The following PTPRM variants were observed in gnomAD, a reference collection of about 807,000 sequenced individuals.
The protein encoded by PTPRM is receptor-type tyrosine-protein phosphatase mu.
Under a neutral mutation model 186.7 loss-of-function variants are expected in PTPRM, and 47 were observed. The ratio of observed to expected loss-of-function variants is 0.25; its 90% CI spans 0.20 to 0.32. The LOEUF (loss-of-function observed/expected upper bound fraction) is 0.32. Ranked by LOEUF, PTPRM falls within the 10% of genes least tolerant of loss-of-function variation. PTPRM has a pLI of 1.00. For missense variants in PTPRM, 1,494 were observed against 1,865.0 expected (o/e 0.80, Z 3.66); for synonymous variants, 668 against 674.9 (o/e 0.99, Z 0.16).
At chr18:7,853,048 T>C (rs2046942044) in intron 2 of PTPRM, among the ~76,000 whole-genome samples, 1 of 152,224 alleles carries the variant, frequency 6.6e-6, no homozygotes, top group Non-Finnish European at 1.5e-5. Flanking sequence ...TTAAATGTTT[T>C]CTACCTTACA....
At chr18:8,362,389 C>T (rs1002889179) in intron 23 of PTPRM, among the ~76,000 whole-genome samples, 2 of 152,230 alleles carry the variant, frequency 1.3e-5, no homozygotes, top group Non-Finnish European at 2.9e-5. Context: ...CCTGTGTCTT[C>T]CTGCTCCTGT....
intron 14 of PTPRM, among the ~76,000 whole-genome samples, chr18:8,197,416 G>T (rs2093794499): frequency 6.6e-6 from 1 of 152,116 alleles, no homozygotes; most frequent in African/African-American, 2.4e-5. Flanking sequence ...ATAGTTAAAG[G>T]ATAGGAAAAC....
chr18:8,233,160 C>CA (rs2094307338), intron 14 of PTPRM, among the ~76,000 whole-genome samples: 1 of 152,200 alleles, frequency 6.6e-6, no homozygotes, highest in Non-Finnish European at 1.5e-5. Context: ...CTGAGCTAGT[C>CA]ACAATCCCTT....
chr18:7,966,942 G>C (rs1207728811), intron 7 of PTPRM, among the ~76,000 whole-genome samples: 1 of 123,882 alleles, frequency 8.1e-6, no homozygotes, highest in Non-Finnish European at 1.9e-5. Flanking sequence ...CTCGAACTGG[G>C]TGGAGCCCAC....
intron 9 of PTPRM, among the ~76,000 whole-genome samples, chr18:8,082,636 C>G (rs1368804931): frequency 2.6e-5 from 4 of 151,746 alleles, no homozygotes; most frequent in African/African-American, 9.7e-5. Flanking sequence ...GCTTCTCCTC[C>G]TCTATCCTGT....
chr18:8,174,670 CTGAG>C (rs1449797114), intron 14 of PTPRM, among the ~76,000 whole-genome samples: 3 of 152,078 alleles, frequency 2.0e-5, no homozygotes, highest in African/African-American at 7.2e-5. Context: ...GCCTTGCTAC[CTGAG>C]TAAGAATGCA....
intron 7 of PTPRM, among the ~76,000 whole-genome samples, chr18:7,979,885 G>A (rs1249902141): frequency 6.6e-6 from 1 of 152,084 alleles, no homozygotes; most frequent in Non-Finnish European, 1.5e-5. Context: ...AAGGACTGAG[G>A]GTGAGGGGCC....
chr18:8,306,086 G>A (rs915763885), intron 20 of PTPRM, among the ~76,000 whole-genome samples: 5 of 151,908 alleles, frequency 3.3e-5, no homozygotes, highest in Admixed American at 6.6e-5. Flanking sequence ...TGGTAGAGAC[G>A]GAGTTTCTTC....
chr18:7,846,572 A>C (rs2046607926), intron 2 of PTPRM, among the ~76,000 whole-genome samples: 1 of 152,180 alleles, frequency 6.6e-6, no homozygotes, highest in Non-Finnish European at 1.5e-5. Flanking sequence ...AATTATGCAC[A>C]GCATGGTTGT....
intron 14 of PTPRM, among the ~76,000 whole-genome samples, chr18:8,222,958 C>A (rs1236948286): frequency 6.6e-6 from 1 of 152,120 alleles, no homozygotes; most frequent in African/African-American, 2.4e-5. Context: ...TGTGGTGGCT[C>A]ACACCTATAA....
intron 1 of PTPRM, among the ~76,000 whole-genome samples, chr18:7,614,743 A>AGTTTGACACAGGATCGATGTGCT (rs1232937428): frequency 6.6e-6 from 1 of 152,208 alleles, no homozygotes; most frequent in East Asian, 1.9e-4. Context: ...ACAGGTAATG[A>AGTTTGACACAGGATCGATGTGCT]GTTTGACACA....
chr18:7,607,245 C>A (rs1039499039), intron 1 of PTPRM, among the ~76,000 whole-genome samples: 2 of 152,052 alleles, frequency 1.3e-5, no homozygotes, highest in African/African-American at 4.8e-5. Flanking sequence ...TCTGGAGCTG[C>A]GAGGAATAGA....
At chr18:7,984,840 CAT>C (rs1398117100) in intron 7 of PTPRM, among the ~76,000 whole-genome samples, 8 of 129,892 alleles carry the variant, frequency 6.2e-5, no homozygotes, top group African/African-American at 2.1e-4. Context: ...TAAATATATA[CAT>C]ATAAAATTAT....
At chr18:8,248,118 C>G in intron 16 of PTPRM, 32 bp from the exon 17 acceptor site, 1 of 1,522,106 alleles carries the variant, frequency 6.6e-7, no homozygotes, top group Non-Finnish European at 9.1e-7. Context: ...TTTTTACTTT[C>G]TCTGCATTGA....
intron 5 of PTPRM, among the ~76,000 whole-genome samples, chr18:7,937,359 C>A (rs1322469925): frequency 6.6e-6 from 1 of 152,192 alleles, no homozygotes; most frequent in African/African-American, 2.4e-5. Flanking sequence ...TTCCCCATTG[C>A]CAGCCTTGGA....
chr18:8,212,647 A>T (rs1398337555), intron 14 of PTPRM, among the ~76,000 whole-genome samples: 1 of 151,956 alleles, frequency 6.6e-6, no homozygotes, highest in Non-Finnish European at 1.5e-5. Flanking sequence ...TCTGCAAAAA[A>T]ATTTTTTTAA....
chr18:7,792,011 A>G (rs540634443), intron 2 of PTPRM, among the ~76,000 whole-genome samples: 2 of 152,342 alleles, frequency 1.3e-5, no homozygotes, highest in African/African-American at 4.8e-5. Context: ...GCAAAGATAT[A>G]TGAGCATATA....
chr18:7,911,833 T>G (rs924059191), intron 4 of PTPRM, among the ~76,000 whole-genome samples: 1 of 150,206 alleles, frequency 6.7e-6, no homozygotes, highest in African/African-American at 2.5e-5. Flanking sequence ...TTTTCCAGAG[T>G]TTTATGGTTT....
chr18:7,910,785 T>C (rs1022286676), intron 4 of PTPRM, among the ~76,000 whole-genome samples: 2 of 151,916 alleles, frequency 1.3e-5, no homozygotes, highest in African/African-American at 2.4e-5. Flanking sequence ...CCAGAAAAAG[T>C]TGGGGGAGGC....
Sources: gnomAD v4.1 joint callset for allele counts (sites outside exome capture counted in the v4.1 genomes callset) on GRCh38, gnomAD v4.1.1 for gene constraint, MANE v1.5 for transcripts, NCBI Gene and HGNC (gene_info 2026-07-23, HGNC 2026-07-21) for gene names.